Variants in CACNB2 observed in about 807,000 individuals in gnomAD.
The protein encoded by CACNB2 is calcium voltage-gated channel auxiliary subunit beta 2.
CACNB2 carries 42 observed loss-of-function variants against 73.3 expected under a neutral mutation model. That is an observed-to-expected ratio of 0.57 (90% CI 0.45 to 0.74). The LOEUF (loss-of-function observed/expected upper bound fraction) is 0.74, where lower values mean the gene tolerates loss of function less well. Among genes scored for constraint, CACNB2 ranks in the 30% least tolerant of loss-of-function variants. CACNB2 has a pLI of 0.00. For missense variants in CACNB2, 940 were observed against 853.0 expected (o/e 1.10, Z -1.27); for synonymous variants, 348 against 310.3 (o/e 1.12, Z -1.28).
intron 2 of CACNB2, among the ~76,000 whole-genome samples, chr10:18,292,082 G>C (rs1266817330): frequency 6.6e-6 from 1 of 152,164 alleles, no homozygotes; most frequent in African/African-American, 2.4e-5. Context: ...TCAAGGTTAT[G>C]ATTTTAACAT....
intron 2 of CACNB2, among the ~76,000 whole-genome samples, chr10:18,159,228 T>C (rs1474366988): frequency 6.6e-6 from 1 of 152,066 alleles, no homozygotes; most frequent in Non-Finnish European, 1.5e-5. Flanking sequence ...AAGTACATTG[T>C]CATCTGAGCT....
intron 2 of CACNB2, among the ~76,000 whole-genome samples, chr10:18,292,290 T>C (rs906996371): frequency 6.6e-6 from 1 of 152,218 alleles, no homozygotes; most frequent in South Asian, 2.1e-4. Flanking sequence ...CAATCAATGA[T>C]AGACATGTAT....
intron 2 of CACNB2, among the ~76,000 whole-genome samples, chr10:18,336,569 A>C (rs2041015109): frequency 6.6e-6 from 1 of 152,202 alleles, no homozygotes; most frequent in East Asian, 1.9e-4. Flanking sequence ...CAATGAGCCA[A>C]GATCATGCCA....
intron 10 of CACNB2, 100 bp from the exon 11 acceptor site, chr10:18,533,976 T>C (rs2053311192): frequency 8.9e-7 from 1 of 1,125,622 alleles, no homozygotes; most frequent in Admixed American, 1.8e-5. Context: ...AGCATTAACA[T>C]AATGGCTGAC....
At chr10:18,331,434 A>C (rs547045125) in intron 2 of CACNB2, among the ~76,000 whole-genome samples, 1 of 151,280 alleles carries the variant, frequency 6.6e-6, no homozygotes, top group Non-Finnish European at 1.5e-5. Flanking sequence ...AGCCTGGAGA[A>C]CATAGCTAGA....
At chr10:18,527,731 C>A (rs767045657) in intron 10 of CACNB2, 34 bp downstream of exon 10, 12 of 1,281,392 alleles carry the variant, frequency 9.4e-6, no homozygotes, top group Non-Finnish European at 1.2e-5. Context: ...GCTTTTTAAA[C>A]TCTCCTCTCC....
intron 3 of CACNB2, among the ~76,000 whole-genome samples, chr10:18,446,385 A>G (rs1239267429): frequency 6.6e-6 from 1 of 152,178 alleles, no homozygotes; most frequent in Non-Finnish European, 1.5e-5. Context: ...GGCTGGAGTA[A>G]ATGTTCAAGA....
intron 6 of CACNB2, among the ~76,000 whole-genome samples, chr10:18,508,720 T>C (rs1472059702): frequency 6.6e-6 from 1 of 152,192 alleles, no homozygotes; most frequent in Non-Finnish European, 1.5e-5. Flanking sequence ...TAACTCAAAA[T>C]GTACTTAACA....
At chr10:18,342,628 A>T (rs1199181361) in intron 2 of CACNB2, among the ~76,000 whole-genome samples, 3 of 152,130 alleles carry the variant, frequency 2.0e-5, no homozygotes, top group Non-Finnish European at 4.4e-5. Context: ...ATTTTAACTA[A>T]TAAGTATGCT....
At chr10:18,523,009 A>C (rs556536892) in intron 9 of CACNB2, among the ~76,000 whole-genome samples, 2 of 152,180 alleles carry the variant, frequency 1.3e-5, no homozygotes, top group South Asian at 4.2e-4. Flanking sequence ...AAGGTCTTCT[A>C]ACCAAATATT....
intron 3 of CACNB2, among the ~76,000 whole-genome samples, chr10:18,475,206 A>T (rs1383617211): frequency 6.6e-6 from 1 of 151,864 alleles, no homozygotes; most frequent in Non-Finnish European, 1.5e-5. Context: ...AAGCTCTCAG[A>T]TCTCCATCCT....
intron 3 of CACNB2, among the ~76,000 whole-genome samples, chr10:18,491,637 G>A (rs1357105036): frequency 2.0e-5 from 3 of 151,994 alleles, no homozygotes; most frequent in East Asian, 1.9e-4. Context: ...TTTGTAGTTC[G>A]AACAAGGGCA....
At chr10:18,286,683 T>C (rs2038819336) in intron 2 of CACNB2, among the ~76,000 whole-genome samples, 1 of 152,174 alleles carries the variant, frequency 6.6e-6, no homozygotes, top group African/African-American at 2.4e-5. Flanking sequence ...AGTGTGTATA[T>C]AATTAGCTGG....
At chr10:18,451,785 G>A (rs1207251008) in intron 3 of CACNB2, among the ~76,000 whole-genome samples, 1 of 152,190 alleles carries the variant, frequency 6.6e-6, no homozygotes, top group African/African-American at 2.4e-5. Flanking sequence ...TGACAAGCTA[G>A]TGAAACCTGC....
intron 2 of CACNB2, among the ~76,000 whole-genome samples, chr10:18,185,429 G>C (rs1054655745): frequency 6.6e-6 from 1 of 152,132 alleles, no homozygotes; most frequent in East Asian, 1.9e-4. Flanking sequence ...TGCTTCTGGT[G>C]AACATTTATT....
At chr10:18,202,654 G>A (rs924593235) in intron 2 of CACNB2, among the ~76,000 whole-genome samples, 13 of 152,286 alleles carry the variant, frequency 8.5e-5, no homozygotes, top group African/African-American at 1.4e-4. Flanking sequence ...GTCATTGGCC[G>A]CCCAATGGCA....
chr10:18,325,623 C>G (rs2040555350), intron 2 of CACNB2, among the ~76,000 whole-genome samples: 1 of 146,934 alleles, frequency 6.8e-6, no homozygotes, highest in Non-Finnish European at 1.5e-5. Flanking sequence ...TTTCCTTTCT[C>G]TTTCTTTCCT....
At chr10:18,220,708 C>T (rs1220352321) in intron 2 of CACNB2, among the ~76,000 whole-genome samples, 1 of 152,142 alleles carries the variant, frequency 6.6e-6, no homozygotes, top group African/African-American at 2.4e-5. Context: ...AGCTCCACCT[C>T]CTGTTAGATC....
intron 2 of CACNB2, among the ~76,000 whole-genome samples, chr10:18,183,542 G>A (rs911809578): frequency 6.6e-6 from 1 of 152,184 alleles, no homozygotes; most frequent in Non-Finnish European, 1.5e-5. Context: ...TTACATGGCA[G>A]CAGGCAAGAG....
Sources: gnomAD v4.1 joint callset for allele counts (sites outside exome capture counted in the v4.1 genomes callset) on GRCh38, gnomAD v4.1.1 for gene constraint, MANE v1.5 for transcripts, NCBI Gene and HGNC (gene_info 2026-07-23, HGNC 2026-07-21) for gene names.